DZIP1: variants seen among roughly 807,000 people sequenced by gnomAD.
DZIP1 encodes the protein DAZ interacting zinc finger protein 1.
Under a neutral mutation model 107.6 loss-of-function variants are expected in DZIP1, and 97 were observed. The ratio of observed to expected loss-of-function variants is 0.90; its 90% CI spans 0.77 to 1.07. DZIP1 has a LOEUF of 1.07. Among genes scored for constraint, DZIP1 ranks in the 50% least tolerant of loss-of-function variants. The pLI is 0.00. For synonymous variants in DZIP1, 390 were observed against 386.4 expected (o/e 1.01, Z -0.11); for missense variants, 1,035 against 1,063.6 (o/e 0.97, Z 0.37).
At chr13:95,593,048 A>G (rs1739981023) in intron 16 of DZIP1, among the ~76,000 whole-genome samples, 2 of 152,224 alleles carry the variant, frequency 1.3e-5, no homozygotes, top group Non-Finnish European at 2.9e-5. Flanking sequence ...TATAGATCAT[A>G]CACACACATC....
In DZIP1 at chr13:95,586,100, T is replaced by C. The variant is rs1480223251; in HGVS notation, c.2255A>G (p.Lys752Arg). The change falls in exon 21 of 23, where the codon AAG becomes AGG. Residue 752 changes from lysine to arginine, a missense_variant. Lys to Arg is a conservative substitution (Grantham distance 26). Coordinates refer to ENST00000376829, the MANE Select transcript of DZIP1 (RefSeq NM_198968.4). The part of the protein sequence containing the change: ...AVKTPTEKVE[K>R]MFPHRKNVNK... ...CACATTTTTGCGATGTGGAAACATC[T>C]TTTCAACTTTTTCAGTAGGTGTTTT... is the stretch of plus-strand genomic sequence containing the variant. 6.2e-7 allele frequency: 1 copy of C among 1,611,712 alleles called. No homozygotes were observed. The highest frequency in any genetic ancestry group is 2.2e-5 in the East Asian group (1 of 44,708).
intron 19 of DZIP1, among the ~76,000 whole-genome samples, chr13:95,588,570 C>T (rs992123541): frequency 9.2e-5 from 14 of 152,096 alleles, no homozygotes; most frequent in Non-Finnish European, 1.3e-4. Flanking sequence ...AGAACTATCT[C>T]GTGAAAAAGG....
intron 10 of DZIP1, among the ~76,000 whole-genome samples, chr13:95,616,166 T>C (rs1290809656): frequency 6.6e-6 from 1 of 152,158 alleles, no homozygotes; most frequent in Non-Finnish European, 1.5e-5. Flanking sequence ...TCCTGCATCT[T>C]AGCTGCCATA....
chr13:95,604,863 A>C (rs1447154457), intron 14 of DZIP1, among the ~76,000 whole-genome samples: 1 of 152,244 alleles, frequency 6.6e-6, no homozygotes, highest in Non-Finnish European at 1.5e-5. Context: ...TAATATGAAT[A>C]CAGAATGATT....
chr13:95,625,883 G>A (rs1876483643), intron 7 of DZIP1, among the ~76,000 whole-genome samples: 2 of 152,070 alleles, frequency 1.3e-5, no homozygotes, highest in Admixed American at 6.5e-5. Flanking sequence ...AACAGTTTGG[G>A]AGGCCACGGT....
intron 5 of DZIP1, among the ~76,000 whole-genome samples, chr13:95,634,879 A>T (rs1374922582): frequency 1.3e-5 from 2 of 152,202 alleles, no homozygotes; most frequent in African/African-American, 4.8e-5. Flanking sequence ...TAGAAAAAAC[A>T]TTCGGTTTGT....
intron 16 of DZIP1, among the ~76,000 whole-genome samples, 195 bp from the exon 17 acceptor site, chr13:95,590,636 CAT>C (rs2044287110): frequency 6.6e-6 from 1 of 152,190 alleles, no homozygotes; most frequent in African/African-American, 2.4e-5. Flanking sequence ...ATAAGGCATG[CAT>C]ATGTTTATGA....
intron 5 of DZIP1, among the ~76,000 whole-genome samples, chr13:95,636,543 C>A (rs1366290307): frequency 3.3e-3 from 393 of 118,062 alleles, no homozygotes; most frequent in Middle Eastern, 4.4e-3. Context: ...GACCTTGACT[C>A]AAAAAAAAAA....
intron 10 of DZIP1, among the ~76,000 whole-genome samples, chr13:95,612,823 G>A (rs989316312): frequency 6.6e-6 from 1 of 152,076 alleles, no homozygotes; most frequent in African/African-American, 2.4e-5. Flanking sequence ...GAACTCAGTC[G>A]ATCCACCCGC....
chr13:95,642,609 C>T (rs557638626), intron 3 of DZIP1, among the ~76,000 whole-genome samples: 1 of 152,270 alleles, frequency 6.6e-6, no homozygotes, highest in African/African-American at 2.4e-5. Context: ...GAGGGGGACT[C>T]GCTGCAAAAG....
intron 5 of DZIP1, among the ~76,000 whole-genome samples, chr13:95,635,559 C>G (rs911095995): frequency 3.9e-5 from 6 of 152,054 alleles, no homozygotes; most frequent in African/African-American, 1.2e-4. Context: ...CTTCAACCTC[C>G]CGGGCTCATG....
chr13:95,636,196 C>A (rs201454429), intron 5 of DZIP1, among the ~76,000 whole-genome samples: 147 of 134,902 alleles, frequency 1.1e-3, no homozygotes, highest in Middle Eastern at 7.2e-3. Context: ...AGATAAAATA[C>A]AAAAAAAAAA....
In DZIP1 at chr13:95,584,904, C is replaced by A. The variant is rs1384067413; in HGVS notation, c.2356G>T (p.Asp786Tyr). 4 of 1,609,724 alleles carry A rather than the reference C, an allele frequency of 2.5e-6. No individual in the cohort carries two copies. The South Asian group carries it at 4.5e-5, about 18-fold the overall frequency. Residue 786 changes from aspartate (D) to tyrosine (Y), a missense_variant, in exon 22 of 23, where the codon GAT becomes TAT. Physicochemically the swap from Asp to Tyr is radical, Grantham distance 160. Transcript: ENST00000376829. ...KEELQELKCADVEDEDWDISS... is the reference protein window; with the variant it reads ...KEELQELKCAYVEDEDWDISS... Reference sequence around the variant, plus strand: ...ATGTCCCAGTCTTCATCCTCCACATCCGCACACTAAAAGAAAGGCATGGAG... The same window carrying A: ...ATGTCCCAGTCTTCATCCTCCACATACGCACACTAAAAGAAAGGCATGGAG...
chr13:95,584,662 T>G (rs1451538710), intron 22 of DZIP1, 74 bp downstream of exon 22: 1 of 1,527,962 alleles, frequency 6.5e-7, no homozygotes, highest in Non-Finnish European at 8.8e-7. Flanking sequence ...ATAAGTTAAT[T>G]AGATATTTAT....
At chr13:95,600,890 T>G (rs1364752140) in intron 14 of DZIP1, among the ~76,000 whole-genome samples, 1 of 152,172 alleles carries the variant, frequency 6.6e-6, no homozygotes, top group African/African-American at 2.4e-5. Context: ...AAATTTGTTA[T>G]AGAGCATCAA....
chr13:95,620,049 T>C lies in DZIP1; in HGVS notation c.1111-102A>G, dbSNP rs1376642523. On this transcript the variant is annotated intron_variant, in intron 9 of 22. Coordinates refer to ENST00000376829, the MANE Select transcript of DZIP1 (RefSeq NM_198968.4). ...TGAATACCTATGAAACCCAACTATC[T>C]ATCTGGTAAAATTTTAGCTAGTGAA... 8.6e-6 allele frequency: 11 copies of C among 1,275,238 alleles called. No individual in the cohort carries two copies. The Admixed American group carries it at 1.8e-4, about 21-fold the overall frequency. 79.0% of individuals were successfully genotyped at this position (1,275,238 alleles called of 1,614,324 possible).
At chr13:95,608,973 A>T (rs1011914432) in intron 13 of DZIP1, among the ~76,000 whole-genome samples, 3 of 152,194 alleles carry the variant, frequency 2.0e-5, no homozygotes, top group Admixed American at 6.5e-5. Flanking sequence ...CAGTTTCTCA[A>T]CTGTAAAGAT....
chr13:95,596,013 CT>C (rs1449958298), intron 15 of DZIP1, among the ~76,000 whole-genome samples: 4 of 152,146 alleles, frequency 2.6e-5, no homozygotes, highest in East Asian at 1.9e-4. Flanking sequence ...GCATTTCCCC[CT>C]GTCCTCAAAT....
intron 10 of DZIP1, among the ~76,000 whole-genome samples, chr13:95,612,783 C>G (rs1368997222): frequency 1.3e-5 from 2 of 152,012 alleles, no homozygotes; most frequent in African/African-American, 4.8e-5. Flanking sequence ...CGGGGTTTCA[C>G]CATGTTAACC....
Sources: allele counts gnomAD v4.1 joint callset (sites outside exome capture counted in the v4.1 genomes callset), GRCh38; gene constraint gnomAD v4.1.1; transcripts MANE v1.5; gene names NCBI Gene and HGNC (gene_info 2026-07-23, HGNC 2026-07-21).